EIF3D: variants seen among roughly 807,000 people sequenced by gnomAD.
EIF3D encodes the protein eIF3 p66.
In EIF3D, 10 loss-of-function variants were observed where a neutral mutation model predicts 75.4. The observed-to-expected ratio is 0.13, with a 90% CI of 0.08 to 0.22. The LOEUF is 0.22. Ranked by LOEUF, EIF3D falls within the 10% of genes least tolerant of loss-of-function variation. The probability of loss-of-function intolerance (pLI) is 1.00; values close to 1 mark genes in which losing one functional copy is unlikely to be tolerated. For synonymous variants in EIF3D, 246 were observed against 248.3 expected, an observed-to-expected ratio of 0.99 and a Z score of 0.09; for missense variants, 394 against 708.0, an observed-to-expected ratio of 0.56 and a Z score of 5.03.
At chr22:36,526,613 C>CTTTCTTTTTTTT (rs1555889295) in intron 1 of EIF3D, among the ~76,000 whole-genome samples, 1 of 145,734 alleles carries the variant, frequency 6.9e-6, no homozygotes. Flanking sequence ...TTCTTTCTTT[C>CTTTCTTTTTTTT]TTTTTTTTTT....
intron 12 of EIF3D, 179 bp downstream of exon 12, chr22:36,516,299 T>C: frequency 1.4e-6 from 1 of 689,828 alleles, no homozygotes; most frequent in Middle Eastern, 4.2e-4. Context: ...AGTCATGCTC[T>C]TTCTCAGCAA....
At chr22:36,514,778 G>GT (rs140064574) in intron 12 of EIF3D, among the ~76,000 whole-genome samples, 2,532 of 152,254 alleles carry the variant, frequency 0.017, 70 homozygotes, top group African/African-American at 0.059. Flanking sequence ...TGAGAACTCA[G>GT]TTCTATTTCT....
At position 36,526,005 on chromosome 22, in the gene EIF3D, T is replaced by C. The variant is rs9622410; in HGVS notation, c.117A>G (p.Leu39=). The part of the protein sequence containing the change: ...PYQPFSKGDR[L]GKVADWTGAT... ...CCTGCTGACAGGCATGTACCTTTCC[T>C]AGCCGATCTCCTTTGCTGAACGGCT... The change falls in exon 2 of 15, where the codon CTA becomes CTG. Residue 39 remains leucine, a synonymous_variant. Coordinates refer to ENST00000216190, the MANE Select transcript of EIF3D (RefSeq NM_003753.4). 0.069 allele frequency: 110,391 copies of C among 1,610,298 alleles called. 4,179 individuals carry two copies. Among genetic ancestry groups the C allele is most frequent in the African/African-American group, 0.14 (10,803 of 74,802 alleles).
At chr22:36,511,049 GA>G in intron 14 of EIF3D, 49 bp from the exon 15 acceptor site, 1 of 1,591,534 alleles carries the variant, frequency 6.3e-7, no homozygotes, top group Admixed American at 1.8e-5. Flanking sequence ...TGTGTGATAT[GA>G]TGTTCACTTT....
intron 1 of EIF3D, 27 bp from the exon 2 acceptor site, chr22:36,526,158 C>T (rs7364189): frequency 0.065 from 102,406 of 1,568,638 alleles, 3,534 homozygotes; most frequent in Middle Eastern, 0.099. Context: ...ATGTGAGTAG[C>T]GGCATGAACG....
At chr22:36,521,579 A>C (rs986673771) in intron 6 of EIF3D, among the ~76,000 whole-genome samples, 1 of 152,164 alleles carries the variant, frequency 6.6e-6, no homozygotes, top group African/African-American at 2.4e-5. Flanking sequence ...TGAATGGCTC[A>C]AAACAACATG....
At chr22:36,512,912 G>T in intron 12 of EIF3D, 1 of 252,508 alleles carries the variant, frequency 4.0e-6, no homozygotes, top group Non-Finnish European at 7.7e-6. Flanking sequence ...GCAGAGCCAA[G>T]TGTTTACTAT....
rs114580755 is a variant in EIF3D, at chr22:36,512,540, C to T, written c.1269G>A (p.Thr423=). 1.0e-3 allele frequency: 1,672 copies of T among 1,614,170 alleles called. 10 individuals are homozygous for T. The African/African-American group carries it at 0.017, about 17-fold the overall frequency. Residue 423 remains threonine, a synonymous_variant, in exon 13 of 15, where the codon ACG becomes ACA. Transcript: ENST00000216190. ...ACTTGTAGCTGTTGTTCTTCAGCTC[C>T]GTGGCAATGACAGCCCCTCGCTGAG... The part of the protein sequence containing the change: ...LDSQRGAVIA[T]ELKNNSYKLA...
Position 36,523,213 on chromosome 22 carries a change from G to A in EIF3D, c.461C>T (p.Ser154Leu). The stretch of plus-strand genomic sequence containing the variant: ...ATTCTGGTATAAATACATTACCTGT[G>A]ATTTCTGATCCCATTTCTGCCTAAC... ...FGVRQKWDQK[S>L]QKPRDSSVEV... is the part of the protein sequence containing the mutation. The change falls in exon 6 of 15, where the codon TCA (serine) becomes TTA (leucine). Residue 154 changes from serine to leucine, a missense_variant. Physicochemically the swap from Ser to Leu is moderately radical, Grantham distance 145. Coordinates refer to ENST00000216190, the MANE Select transcript of EIF3D (RefSeq NM_003753.4). The A allele has an allele frequency of 6.2e-7, 1 of 1,613,666 alleles. No homozygotes were observed. The highest frequency in any genetic ancestry group is 8.5e-7 in the Non-Finnish European group (1 of 1,179,616).
intron 12 of EIF3D, among the ~76,000 whole-genome samples, chr22:36,514,872 GGA>G (rs1349148298): frequency 1.3e-5 from 2 of 152,186 alleles, no homozygotes; most frequent in Non-Finnish European, 2.9e-5. Flanking sequence ...TGTTGGAGGA[GGA>G]GCATGGTGGG....
At chr22:36,524,829 A>T (rs1357936992) in intron 3 of EIF3D, 97 bp from the exon 4 acceptor site, 2 of 1,511,544 alleles carry the variant, frequency 1.3e-6, no homozygotes, top group African/African-American at 2.7e-5. Context: ...TGGTCTTGAG[A>T]CCTGTAGCAT....
At position 36,525,154 on chromosome 22, in the gene EIF3D, C is replaced by T. The variant is rs1934575646; in HGVS notation, c.170-422G>A. ...CAGCCTCAGCTATCCTAACTTAGTT[C>T]TCCAGGCAGCCACCTCCAACTATCT... On this transcript the variant is annotated intron_variant, in intron 3 of 14. Coordinates refer to ENST00000216190, the MANE Select transcript of EIF3D (RefSeq NM_003753.4). 3.3e-5 allele frequency among the ~76,000 whole-genome samples: 5 copies of T among 151,938 alleles called. No homozygotes were observed. In the South Asian group the frequency reaches 1.0e-3, roughly 32 times the overall value.
At chr22:36,527,204 T>A (rs1225312279) in intron 1 of EIF3D, among the ~76,000 whole-genome samples, 1 of 152,224 alleles carries the variant, frequency 6.6e-6, no homozygotes, top group Non-Finnish European at 1.5e-5. Context: ...CAGGCACTGT[T>A]CTTACTGTTT....
rs1431119583 is a variant in EIF3D at position 36,525,758 on chromosome 22, T to C, written c.124-49A>G. On this transcript the variant is annotated intron_variant, in intron 2 of 14. Coordinates refer to ENST00000216190, the MANE Select transcript of EIF3D (RefSeq NM_003753.4). ...AGAATGCACAGGTCAACCAGGCAAGTTTCTGCAGAACCAGAAATCCCTGAG... is the reference window on the plus strand; with the variant it reads ...AGAATGCACAGGTCAACCAGGCAAGCTTCTGCAGAACCAGAAATCCCTGAG... 3 of 1,594,416 alleles carry C rather than the reference T, an allele frequency of 1.9e-6. No homozygotes were observed. The East Asian group carries it at 6.7e-5, about 36-fold the overall frequency.
At chr22:36,515,482 C>T (rs1012686045) in intron 12 of EIF3D, among the ~76,000 whole-genome samples, 5 of 152,070 alleles carry the variant, frequency 3.3e-5, no homozygotes, top group Admixed American at 6.6e-5. Context: ...GAGCCGAGAT[C>T]GCACCGTTGC....
intron 12 of EIF3D, 186 bp from the exon 13 acceptor site, chr22:36,512,788 C>T: frequency 1.6e-6 from 1 of 626,328 alleles, no homozygotes; most frequent in South Asian, 2.2e-5. Flanking sequence ...GCACAGCAGT[C>T]ACTCAACGAC....
At chr22:36,522,018 A>G (rs1435594953) in intron 6 of EIF3D, among the ~76,000 whole-genome samples, 3 of 152,104 alleles carry the variant, frequency 2.0e-5, no homozygotes, top group Non-Finnish European at 4.4e-5. Context: ...TTTGAAGTAC[A>G]TGGGTCTACT....
intron 10 of EIF3D, 119 bp from the exon 11 acceptor site, chr22:36,516,909 T>A (rs1934436844): frequency 2.2e-6 from 2 of 915,726 alleles, no homozygotes; most frequent in Non-Finnish European, 3.5e-6. Context: ...GGGCCCTTGA[T>A]GGGGCTCTGA....
intron 6 of EIF3D, among the ~76,000 whole-genome samples, chr22:36,522,670 T>C (rs542196435): frequency 2.6e-5 from 4 of 152,156 alleles, no homozygotes; most frequent in African/African-American, 7.2e-5. Flanking sequence ...GGGGTGCTGG[T>C]GTTTGGGTGT....
Sources: allele counts gnomAD v4.1 joint callset (sites outside exome capture counted in the v4.1 genomes callset), GRCh38; gene constraint gnomAD v4.1.1; transcripts MANE v1.5; gene names NCBI Gene and HGNC (gene_info 2026-07-23, HGNC 2026-07-21).